The following TNS2 variants were observed in gnomAD, a reference collection of about 807,000 sequenced individuals.
TNS2 encodes the protein tensin 2, also known as tensin-2.
TNS2 carries 77 observed loss-of-function variants against 155.7 expected under a neutral mutation model. The ratio of observed to expected loss-of-function variants is 0.49; its 90% CI spans 0.41 to 0.60. The LOEUF (loss-of-function observed/expected upper bound fraction) is 0.60, where lower values mean the gene tolerates loss of function less well. Ranked by LOEUF, TNS2 falls within the 20% of genes least tolerant of loss-of-function variation. TNS2 has a pLI of 0.00. For missense variants in TNS2, 1,703 were observed against 1,868.8 expected (o/e 0.91, Z 1.64); for synonymous variants, 726 against 763.9 (o/e 0.95, Z 0.82).
chr12:53,057,657 G>A lies in TNS2; in HGVS notation c.936G>A (p.Leu312=), dbSNP rs1209156050. 4.2e-5 allele frequency: 67 copies of A among 1,614,000 alleles called. No homozygotes were observed. Among genetic ancestry groups the A allele is most frequent in the Non-Finnish European group, 5.3e-5 (63 of 1,179,998 alleles). The change falls in exon 12 of 29, where the codon CTG becomes CTA. Residue 312 remains leucine (L), a synonymous_variant. Transcript: ENST00000314250. ...TGCACTATGTGCTCATCCCCATGCT[G>A]CCAGCCTTTGAACCTGGCACAGGTG... ...LFLHYVLIPM[L]PAFEPGTGFQ...
chr12:53,049,945 G>T, upstream of TNS2: 1 of 1,039,344 alleles, frequency 9.6e-7, no homozygotes. Context: ...TAGATCCTGG[G>T]AATCTGATCT....
In TNS2 at chr12:53,058,616, T is replaced by C; in HGVS notation, c.1270T>C (p.Ser424Pro). 6.2e-7 allele frequency: 1 copy of C among 1,614,012 alleles called. No homozygotes were observed. The highest frequency in any genetic ancestry group is 8.5e-7 in the Non-Finnish European group (1 of 1,179,974). ...FQASVEFVFSSSPEKIKGSTP... is the reference protein window; with the variant it reads ...FQASVEFVFSPSPEKIKGSTP... ...AGCCTCCGTGGAGTTTGTCTTCTCC[T>C]CCAGCCCCGAGAAGATCAAAGGTAA... Residue 424 changes from serine (S) to proline (P), a missense_variant, in exon 16 of 29, where the codon TCC (serine) becomes CCC (proline). Physicochemically the swap from Ser to Pro is moderately conservative, Grantham distance 74. Transcript: ENST00000314250.
At chr12:53,048,288 G>A (rs986645521), upstream of TNS2, among the ~76,000 whole-genome samples, 1 of 152,224 alleles carries the variant, frequency 6.6e-6, no homozygotes, top group Non-Finnish European at 1.5e-5. Flanking sequence ...TCTGGGTGGG[G>A]AGTGTGAGAC....
chr12:53,051,716 C>A, intron 1 of TNS2, 139 bp from the exon 2 acceptor site: 1 of 644,224 alleles, frequency 1.6e-6, no homozygotes, highest in Admixed American at 2.8e-5. Context: ...CAGCTGTGGC[C>A]AAGTGCGTCC....
Position 53,060,062 on chromosome 12 carries a change from T to A in TNS2, c.2421T>A (p.His807Gln). 2.5e-6 allele frequency: 4 copies of A among 1,613,212 alleles called. No individual in the cohort carries two copies. ...SYCPAYGRVP[H>Q]SCGSPGEGRG... Reference sequence around the variant, plus strand: ...GCCCAGCATATGGCCGTGTGCCTCATAGCTGTGGCTCTCCAGGAGAGGGCA... The same window carrying A: ...GCCCAGCATATGGCCGTGTGCCTCAAAGCTGTGGCTCTCCAGGAGAGGGCA... The change falls in exon 18 of 29, where the codon CAT (histidine) becomes CAA (glutamine). Residue 807 changes from histidine (H) to glutamine (Q), a missense_variant. By Grantham distance (24) the His-to-Gln change is conservative. Coordinates refer to ENST00000314250, the MANE Select transcript of TNS2 (RefSeq NM_170754.4). This position sits in a 1 kb window ranked among gnomAD's most constrained non-coding sequence, Gnocchi z 6.1.
chr12:53,060,540 T>C lies in TNS2; in HGVS notation c.2753T>C (p.Val918Ala). Reference sequence around the variant, plus strand: ...ACGCCCCTGCACACCAGCAGTCCAGTCCAGGGCAAGGAAAGGTATGCAGAG... The same window carrying C: ...ACGCCCCTGCACACCAGCAGTCCAGCCCAGGGCAAGGAAAGGTATGCAGAG... ...PSTPLHTSSP[V>A]QGKESTRRQD... Residue 918 changes from valine (V) to alanine (A), a missense_variant, in exon 19 of 29, where the codon GTC (valine) becomes GCC (alanine). Val to Ala is a moderately conservative substitution (Grantham distance 64, BLOSUM62 0). Coordinates refer to ENST00000314250, the MANE Select transcript of TNS2 (RefSeq NM_170754.4). This position sits in a 1 kb window ranked among gnomAD's most constrained non-coding sequence, Gnocchi z 6.1. 1 of 1,613,524 alleles carries C rather than the reference T, an allele frequency of 6.2e-7. No individual in the cohort carries two copies. Among genetic ancestry groups the C allele is most frequent in the Non-Finnish European group, 8.5e-7 (1 of 1,179,896 alleles).
Position 53,061,132 on chromosome 12 carries a change from A to G in TNS2, c.3226A>G (p.Lys1076Glu), listed in dbSNP as rs1944369929. ...NGLSQPPLPE[K>E]RHLPGPGQQP... Reference sequence around the variant, plus strand: ...CCTTAGCCAGCCCCCACTTCCTGAGAAACGCCACCTGCCCGGGCCGGGGCA... The same window carrying G: ...CCTTAGCCAGCCCCCACTTCCTGAGGAACGCCACCTGCCCGGGCCGGGGCA... Residue 1076 changes from lysine to glutamate, a missense_variant, in exon 20 of 29, where the codon AAA becomes GAA. Physicochemically the swap from Lys to Glu is moderately conservative, Grantham distance 56. Coordinates refer to ENST00000314250, the MANE Select transcript of TNS2 (RefSeq NM_170754.4). The G allele has an allele frequency of 1.2e-6, 2 of 1,610,572 alleles. No homozygotes were observed. The highest frequency in any genetic ancestry group is 1.7e-6 in the Non-Finnish European group (2 of 1,178,332).
chr12:53,053,844 A>C, intron 5 of TNS2, 32 bp downstream of exon 5: 1 of 1,613,726 alleles, frequency 6.2e-7, no homozygotes. Flanking sequence ...AGGGGGAAGC[A>C]GGTAGCTTTG....
intron 14 of TNS2, 98 bp downstream of exon 14, chr12:53,058,200 G>A (rs1166567851): frequency 6.2e-7 from 1 of 1,608,044 alleles, no homozygotes; most frequent in East Asian, 2.2e-5. Flanking sequence ...TGGAGAGCGA[G>A]TAGGGAGATC....
chr12:53,058,470 G>C, intron 15 of TNS2, 25 bp downstream of exon 15: 1 of 1,613,922 alleles, frequency 6.2e-7, no homozygotes, highest in African/African-American at 1.3e-5. Flanking sequence ...AGTGGCCTGG[G>C]GCTGGAGTCC....
At position 53,059,012 on chromosome 12, in the gene TNS2, C is replaced by A; in HGVS notation, c.1406-35C>A. On this transcript the variant is annotated intron_variant, in intron 17 of 28. Coordinates refer to ENST00000314250, the MANE Select transcript of TNS2 (RefSeq NM_170754.4). The surrounding 1 kb of genome is among the most constrained non-coding windows in gnomAD (Gnocchi z 4.7). ...TTTCTCTCTCCCTCCCTGTTCCCCGCTTGCCCTCCCTCCCTGATCCTCTTC... is the reference window on the plus strand; with the variant it reads ...TTTCTCTCTCCCTCCCTGTTCCCCGATTGCCCTCCCTCCCTGATCCTCTTC... 1 of 1,538,262 alleles carries A rather than the reference C, an allele frequency of 6.5e-7. No individual in the cohort carries two copies. Among genetic ancestry groups the A allele is most frequent in the Non-Finnish European group, 8.8e-7 (1 of 1,141,998 alleles).
intron 20 of TNS2, 45 bp downstream of exon 20, chr12:53,061,309 T>G (rs1476338296): frequency 6.2e-7 from 1 of 1,608,780 alleles, no homozygotes; most frequent in South Asian, 1.1e-5. Flanking sequence ...AGAGAACCCT[T>G]TCTCCTGGGA....
chr12:53,050,830 C>A lies in TNS2; in HGVS notation c.75+570C>A, dbSNP rs1281081449. Among the ~76,000 whole-genome samples the A allele has an allele frequency of 6.6e-6, 1 of 152,218 alleles. No homozygotes were observed. Among genetic ancestry groups the A allele is most frequent in the Non-Finnish European group, 1.5e-5 (1 of 68,032 alleles). ...AAGAAACCAGAGGTGCTGCCCACAT[C>A]CCCATCACTCCCTTTCCCAACTTCC... On this transcript the variant is annotated intron_variant, in intron 1 of 28. Coordinates refer to ENST00000314250, the MANE Select transcript of TNS2 (RefSeq NM_170754.4). This position sits in a 1 kb window ranked among gnomAD's most constrained non-coding sequence, Gnocchi z 4.7.
intron 24 of TNS2, 70 bp from the exon 25 acceptor site, chr12:53,062,550 C>T: frequency 3.1e-6 from 5 of 1,607,512 alleles, no homozygotes; most frequent in Non-Finnish European, 4.3e-6. Flanking sequence ...CTTGGGGAAG[C>T]AGAGGGAGTG....
intron 4 of TNS2, 24 bp from the exon 5 acceptor site, chr12:53,053,750 T>A: frequency 6.2e-7 from 1 of 1,609,256 alleles, no homozygotes; most frequent in African/African-American, 1.3e-5. Context: ...AACCACTCCC[T>A]TTTCCTCCCC....
chr12:53,053,556 G>T, intron 4 of TNS2, 107 bp downstream of exon 4: 2 of 1,473,654 alleles, frequency 1.4e-6, no homozygotes, highest in Non-Finnish European at 1.9e-6. Flanking sequence ...TGAACGGAGT[G>T]CTGTGGGTAT....
At chr12:53,047,544 G>C (rs534777459), upstream of TNS2, among the ~76,000 whole-genome samples, 43 of 150,464 alleles carry the variant, frequency 2.9e-4, no homozygotes, top group Admixed American at 7.9e-4. Context: ...CGGAGAGCTG[G>C]GAGCAGCGGG....
rs1357798624 is a variant in TNS2, at chr12:53,063,502, C to T, written c.4062-61C>T. On this transcript the variant is annotated intron_variant, in intron 27 of 28. Coordinates refer to ENST00000314250, the MANE Select transcript of TNS2 (RefSeq NM_170754.4). The surrounding 1 kb of genome is among the most constrained non-coding windows in gnomAD (Gnocchi z 5.6). ...CCAGCCCCAGCCCCAGCCCCGGCCC[C>T]GGCCCCCCTTCAGCAGCTGTCCCCT... The T allele has an allele frequency of 6.2e-6, 10 of 1,612,246 alleles. No individual in the cohort carries two copies. The highest frequency in any genetic ancestry group is 4.0e-5 in the African/African-American group (3 of 74,844).
At chr12:53,057,142 T>C (rs1250963596) in intron 11 of TNS2, 46 bp downstream of exon 11, 9 of 1,574,058 alleles carry the variant, frequency 5.7e-6, no homozygotes, top group Non-Finnish European at 3.5e-6. Context: ...GCTCCCTTCA[T>C]GGCTACCAAG....
Sources: allele counts gnomAD v4.1 joint callset (sites outside exome capture counted in the v4.1 genomes callset), GRCh38; gene constraint gnomAD v4.1.1; non-coding constraint Gnocchi (gnomAD v3.1); transcripts MANE v1.5; gene names NCBI Gene and HGNC (gene_info 2026-07-23, HGNC 2026-07-21).